UNC80: variants seen among roughly 807,000 people sequenced by gnomAD.
The protein encoded by UNC80 is unc-80 subunit of NALCN channel complex.
Under a neutral mutation model 384.6 loss-of-function variants are expected in UNC80, and 164 were observed. That is an observed-to-expected ratio of 0.43 (90% CI 0.38 to 0.49). The LOEUF (loss-of-function observed/expected upper bound fraction) is 0.49, where lower values mean the gene tolerates loss of function less well. Ranked by LOEUF, UNC80 falls within the 20% of genes least tolerant of loss-of-function variation. The pLI, the probability that UNC80 is intolerant of heterozygous loss-of-function variation, is 0.00. For synonymous variants in UNC80, 1,486 were observed against 1,527.8 expected (o/e 0.97, Z 0.64); for missense variants, 3,330 against 4,143.0 (o/e 0.80, Z 5.39).
chr2:209,993,587 T>G (rs1464988236), intron 63 of UNC80, among the ~76,000 whole-genome samples, 161 bp downstream of exon 63: 2 of 152,190 alleles, frequency 1.3e-5, no homozygotes. Context: ...GTCTTTTTTT[T>G]CTTCTTGCCT....
Position 209,954,162 on chromosome 2 carries a change from A to G in UNC80, c.7349A>G (p.Gln2450Arg). 6.4e-7 allele frequency: 1 copy of G among 1,551,250 alleles called. No individual in the cohort carries two copies. Among genetic ancestry groups the G allele is most frequent in the African/African-American group, 1.4e-5 (1 of 73,156 alleles). ...VPCYLQKLKR[Q>R]TSQVETVPAA... ...TGTTACCTACAAAAGCTAAAGAGGC[A>G]GACATCACAGGTGGAGACAGTACCT... Residue 2450 changes from glutamine to arginine, a missense_variant, in exon 48 of 65, where the codon CAG (glutamine) becomes CGG (arginine). Gln to Arg is a conservative substitution (Grantham distance 43). This residue lies in a region of UNC80 where 1,049 missense variants were observed against 1,488.6 expected (regional missense o/e 0.70). Coordinates refer to ENST00000673920, the MANE Select transcript of UNC80 (RefSeq NM_001371986.1).
chr2:209,805,402 A>T (rs1174637686), intron 7 of UNC80, among the ~76,000 whole-genome samples: 1 of 152,242 alleles, frequency 6.6e-6, no homozygotes, highest in Non-Finnish European at 1.5e-5. Flanking sequence ...AAATCCTAGC[A>T]GTTTAAAACA....
intron 13 of UNC80, among the ~76,000 whole-genome samples, chr2:209,820,953 A>G (rs1381319271): frequency 6.6e-6 from 1 of 152,232 alleles, no homozygotes; most frequent in Non-Finnish European, 1.5e-5. Context: ...CAGTTATGCT[A>G]TGTTGCCATA....
chr2:209,948,487 G>A (rs924913338), intron 47 of UNC80, among the ~76,000 whole-genome samples: 4 of 152,110 alleles, frequency 2.6e-5, no homozygotes, highest in Admixed American at 1.3e-4. Context: ...TTTGCAAAGT[G>A]CCTACTGAAG....
chr2:209,894,226 T>G lies in UNC80; in HGVS notation c.4340T>G (p.Phe1447Cys), dbSNP rs1277549541. The part of the protein sequence containing the change: ...RLLQIKGTRS[F>C]QVKKGGSLSS... ...CTCCAGATTAAAGGAACCCGCAGTT[T>G]CCAGGTGAAGAAGGGGGGTTCCTTG... Residue 1447 changes from phenylalanine to cysteine, a missense_variant, in exon 27 of 65, where the codon TTC becomes TGC. Around this residue, in one of 8 missense-constraint regions of UNC80, gnomAD observed 801 missense variants for 950.8 expected, o/e 0.84. Transcript: ENST00000673920. The G allele has an allele frequency of 1.0e-6, 1 of 985,276 alleles. No individual in the cohort carries two copies. Among genetic ancestry groups the G allele is most frequent in the East Asian group, 1.1e-4 (1 of 8,824 alleles). The allele number at this position is 985,276 out of a possible 1,614,324, so 61.0% of individuals were successfully genotyped here. A position where few individuals can be genotyped will look rare whatever the true frequency, so the allele number is the denominator to read the frequency against.
intron 34 of UNC80, 142 bp from the exon 35 acceptor site, chr2:209,922,110 A>G (rs577822887): frequency 1.5e-4 from 158 of 1,071,964 alleles, no homozygotes; most frequent in Non-Finnish European, 1.9e-4. Context: ...TTTAATTTTT[A>G]TTTTTCCTTT....
intron 2 of UNC80, among the ~76,000 whole-genome samples, chr2:209,775,250 A>C (rs1235944176): frequency 6.6e-6 from 1 of 152,222 alleles, no homozygotes; most frequent in African/African-American, 2.4e-5. Context: ...TTTAATAACC[A>C]GCAAAGTAAA....
At chr2:209,773,228 A>G (rs2076682373) in intron 2 of UNC80, 86 bp downstream of exon 2, 2 of 1,125,480 alleles carry the variant, frequency 1.8e-6, no homozygotes, top group South Asian at 1.4e-5. Context: ...CAAACGGACT[A>G]TATATATTAA....
chr2:209,943,594 G>A, intron 45 of UNC80, 80 bp downstream of exon 45: 2 of 1,493,430 alleles, frequency 1.3e-6, no homozygotes, highest in Non-Finnish European at 1.8e-6. Context: ...GCTTACTATG[G>A]CAAGGGAGTT....
intron 21 of UNC80, among the ~76,000 whole-genome samples, chr2:209,848,910 G>C (rs1270054352): frequency 6.6e-6 from 1 of 152,098 alleles, no homozygotes; most frequent in Non-Finnish European, 1.5e-5. Context: ...CAAATTGTTA[G>C]AGTGGTAACC....
chr2:209,964,342 C>A (rs1036324202), intron 51 of UNC80, among the ~76,000 whole-genome samples: 1 of 152,156 alleles, frequency 6.6e-6, no homozygotes, highest in African/African-American at 2.4e-5. Context: ...GCTAAGTACT[C>A]TTGCCAAAAA....
intron 6 of UNC80, among the ~76,000 whole-genome samples, chr2:209,792,902 T>G (rs1243708608): frequency 6.6e-6 from 1 of 152,218 alleles, no homozygotes; most frequent in Non-Finnish European, 1.5e-5. Context: ...TCTAATTTTT[T>G]AAATCTCTAA....
chr2:209,953,641 CA>C (rs1250882277), intron 47 of UNC80, among the ~76,000 whole-genome samples: 1 of 151,894 alleles, frequency 6.6e-6, no homozygotes, highest in Non-Finnish European at 1.5e-5. Context: ...TGGCTGTTTC[CA>C]ACATTTGTTG....
intron 13 of UNC80, 134 bp from the exon 14 acceptor site, chr2:209,825,760 TGAGCCCGTTACAA>T: frequency 1.5e-6 from 1 of 674,186 alleles, no homozygotes. Context: ...GCGTGTTTGT[TGAGCCCGTTACAA>T]TTCTGTTTTC....
rs576105429 is a variant in UNC80 at position 209,904,069 on chromosome 2, A to G, written c.4582-696A>G. On this transcript the variant is annotated intron_variant, in intron 28 of 64. Transcript: ENST00000673920. ...AGAAGTTCCAAATGCAAGGGCCTTT[A>G]TTCCTTATCTTAAAATAACCATATC... 1.1e-4 allele frequency among the ~76,000 whole-genome samples: 16 copies of G among 152,312 alleles called. No individual in the cohort carries two copies. In the South Asian group the frequency reaches 3.3e-3, roughly 32 times the overall value.
Position 209,954,276 on chromosome 2 carries a change from C to A in UNC80, c.7457+6C>A, listed in dbSNP as rs1299729974. The A allele has an allele frequency of 6.8e-6, 10 of 1,474,854 alleles. No individual in the cohort carries two copies. Among genetic ancestry groups the A allele is most frequent in the Non-Finnish European group, 8.1e-6 (9 of 1,109,250 alleles). The allele number at this position is 1,474,854 out of a possible 1,614,324, so 91.4% of individuals were successfully genotyped here. A position where few individuals can be genotyped will look rare whatever the true frequency, so the allele number is the denominator to read the frequency against. On this transcript the variant is annotated splice_donor_region_variant and intron_variant, in intron 48 of 64. Coordinates refer to ENST00000673920, the MANE Select transcript of UNC80 (RefSeq NM_001371986.1). ...AGTGTAGAGGTCCTCACCAGGTAAT[C>A]CCATTGGCAGAAATAGCTACAGCCT...
At chr2:209,792,347 T>A (rs2077864294) in intron 6 of UNC80, among the ~76,000 whole-genome samples, 2 of 152,134 alleles carry the variant, frequency 1.3e-5, no homozygotes, top group South Asian at 4.1e-4. Flanking sequence ...TTTGTTTTGT[T>A]TTGTTTTGCT....
intron 25 of UNC80, among the ~76,000 whole-genome samples, chr2:209,884,451 C>G (rs1231889329): frequency 6.6e-6 from 1 of 152,120 alleles, no homozygotes; most frequent in African/African-American, 2.4e-5. Context: ...CGGAATTTAA[C>G]AAATCAGGTT....
At chr2:209,929,063 T>C (rs1293671029) in intron 36 of UNC80, among the ~76,000 whole-genome samples, 2 of 152,238 alleles carry the variant, frequency 1.3e-5, no homozygotes, top group Non-Finnish European at 2.9e-5. Flanking sequence ...TATATTTTTG[T>C]TAATATTATT....
Sources: allele counts gnomAD v4.1 joint callset (sites outside exome capture counted in the v4.1 genomes callset), GRCh38; gene constraint gnomAD v4.1.1; regional missense constraint gnomAD v4.1.1; transcripts MANE v1.5; gene names NCBI Gene and HGNC (gene_info 2026-07-23, HGNC 2026-07-21).